GJA8: variants seen among roughly 807,000 people sequenced by gnomAD.
The protein encoded by GJA8 is gap junction protein alpha 8, also known as gap junction alpha-8 protein.
GJA8 carries 13 observed loss-of-function variants against 15.3 expected under a neutral mutation model. The ratio of observed to expected loss-of-function variants is 0.85; its 90% CI spans 0.55 to 1.35. The LOEUF (loss-of-function observed/expected upper bound fraction) is 1.35. Ranked by LOEUF, GJA8 falls within the 40% of genes most tolerant of loss-of-function variation. The pLI, the probability that GJA8 is intolerant of heterozygous loss-of-function variation, is 0.00. For synonymous variants in GJA8, 304 were observed against 238.7 expected (o/e 1.27, Z -2.52); for missense variants, 607 against 553.3 (o/e 1.10, Z -0.97).
chr1:147,913,363 G>A (rs1398973793), downstream of GJA8, among the ~76,000 whole-genome samples: 2 of 152,138 alleles, frequency 1.3e-5, no homozygotes, highest in Non-Finnish European at 2.9e-5. Flanking sequence ...TAAAGTAAGG[G>A]AAATAAATTT....
Position 147,908,355 on chromosome 1 carries a change from G to T in GJA8, c.400G>T (p.Gly134Cys), listed in dbSNP as rs782185896. Residue 134 changes from glycine (G) to cysteine (C), a missense_variant, in exon 2 of 2, where the codon GGC becomes TGC. Transcript: ENST00000369235. Reference protein sequence around the residue: ...PDQGSVKKSSGSKGTKKFRLE... With the variant: ...PDQGSVKKSSCSKGTKKFRLE... ...CCAGGGCAGCGTCAAGAAGAGCAGC[G>T]GCAGCAAAGGCACTAAGAAGTTCCG... 6.2e-7 allele frequency: 1 copy of T among 1,614,172 alleles called. No individual in the cohort carries two copies. The highest frequency in any genetic ancestry group is 1.1e-5 in the South Asian group (1 of 91,082).
At position 147,909,181 on chromosome 1, in the gene GJA8, C is replaced by T; in HGVS notation, c.1226C>T (p.Thr409Ile). 3 of 1,541,234 alleles carry T rather than the reference C, an allele frequency of 1.9e-6. No homozygotes were observed. Among genetic ancestry groups the T allele is most frequent in the Non-Finnish European group, 2.6e-6 (3 of 1,134,832 alleles). Residue 409 changes from threonine (T) to isoleucine (I), a missense_variant, in exon 2 of 2, where the codon ACA becomes ATA. By Grantham distance (89) the Thr-to-Ile change is moderately conservative. Coordinates refer to ENST00000369235, the MANE Select transcript of GJA8 (RefSeq NM_005267.5). ...EKTPSLCPEL[T>I]TDDARPLSRL... is the part of the protein sequence containing the mutation. ...ACACCTTCACTCTGTCCAGAGCTGA[C>T]AACAGATGATGCCAGACCCCTGAGC...
chr1:147,909,125 G>C lies in GJA8; in HGVS notation c.1170G>C (p.Lys390Asn). Residue 390 changes from lysine (K) to asparagine (N), a missense_variant, in exon 2 of 2, where the codon AAG becomes AAC. Coordinates refer to ENST00000369235, the MANE Select transcript of GJA8 (RefSeq NM_005267.5). Reference sequence around the variant, plus strand: ...AAAAAGAAGAGCCGCAGTCGGAGAAGGTGTCAAAGCAAGGGCTGCCAGCTG... The same window carrying C: ...AAAAAGAAGAGCCGCAGTCGGAGAACGTGTCAAAGCAAGGGCTGCCAGCTG... Reference protein sequence around the residue: ...EGEKEEPQSEKVSKQGLPAEK... With the variant: ...EGEKEEPQSENVSKQGLPAEK... The C allele has an allele frequency of 6.2e-7, 1 of 1,614,060 alleles. No individual in the cohort carries two copies. Among genetic ancestry groups the C allele is most frequent in the Non-Finnish European group, 8.5e-7 (1 of 1,179,984 alleles).
At chr1:147,905,084 C>T (rs1317405071) in intron 1 of GJA8, among the ~76,000 whole-genome samples, 1 of 152,100 alleles carries the variant, frequency 6.6e-6, no homozygotes, top group Non-Finnish European at 1.5e-5. Context: ...AATTTACTAT[C>T]CTTTTTGTTA....
At chr1:147,909,266 CAAAGA>C in exon 2 of GJA8, 1 of 729,270 alleles carries the variant, frequency 1.4e-6, no homozygotes, top group South Asian at 1.5e-5. Flanking sequence ...GAAGTGACGC[CAAAGA>C]AAAAAAAAAA....
intron 1 of GJA8, among the ~76,000 whole-genome samples, chr1:147,907,587 T>C (rs2149015037): frequency 6.6e-6 from 1 of 152,344 alleles, no homozygotes; most frequent in East Asian, 1.9e-4. Flanking sequence ...TTTAAATCCA[T>C]GTAACCAAGG....
At chr1:147,904,030 C>T (rs2149013263) in intron 1 of GJA8, among the ~76,000 whole-genome samples, 1 of 150,208 alleles carries the variant, frequency 6.7e-6, no homozygotes, top group South Asian at 2.1e-4. Context: ...CTCCTGGGCT[C>T]AAGCAATTCT....
At chr1:147,907,882 C>A in intron 1 of GJA8, 63 bp from the exon 2 acceptor site, 2 of 1,179,496 alleles carry the variant, frequency 1.7e-6, no homozygotes, top group Non-Finnish European at 2.5e-6. Flanking sequence ...TTAGCAAAAA[C>A]AGATATTGAC....
chr1:147,908,231 C>T lies in GJA8; in HGVS notation c.276C>T (p.Tyr92=), dbSNP rs1553242596. Residue 92 remains tyrosine, a synonymous_variant, in exon 2 of 2, where the codon TAC becomes TAT. Transcript: ENST00000369235. ...TCGTCTCCACCCCGTCCCTGATGTA[C>T]GTGGGGCACGCGGTGCACTACGTCC... is the stretch of plus-strand genomic sequence containing the variant. ...IIFVSTPSLM[Y]VGHAVHYVRM... The T allele has an allele frequency of 3.1e-6, 5 of 1,614,220 alleles. No homozygotes were observed. Among genetic ancestry groups the T allele is most frequent in the South Asian group, 1.1e-5 (1 of 91,084 alleles).
chr1:147,907,381 T>C (rs1553242404), intron 1 of GJA8, among the ~76,000 whole-genome samples: 3 of 152,186 alleles, frequency 2.0e-5, no homozygotes, highest in African/African-American at 4.8e-5. Context: ...TTTCACAAAG[T>C]TGGTATTCAA....
In GJA8 at chr1:147,908,282, C is replaced by T; in HGVS notation, c.327C>T (p.Arg109=). ...YVRMEEKRKS[R]EAEELGQQAG... ...GCATGGAGGAGAAGCGCAAAAGCCG[C>T]GAGGCGGAGGAGCTGGGCCAGCAGG... The change falls in exon 2 of 2, where the codon CGC becomes CGT. Residue 109 remains arginine, a synonymous_variant. Coordinates refer to ENST00000369235, the MANE Select transcript of GJA8 (RefSeq NM_005267.5). 3 of 1,614,138 alleles carry T rather than the reference C, an allele frequency of 1.9e-6. No individual in the cohort carries two copies. The highest frequency in any genetic ancestry group is 2.2e-5 in the East Asian group (1 of 44,884).
At chr1:147,906,964 C>T (rs1377763536) in intron 1 of GJA8, among the ~76,000 whole-genome samples, 1 of 152,030 alleles carries the variant, frequency 6.6e-6, no homozygotes, top group African/African-American at 2.4e-5. Flanking sequence ...GGGTTCACTG[C>T]AACCTCGACC....
intron 1 of GJA8, among the ~76,000 whole-genome samples, chr1:147,907,288 A>G (rs1319955403): frequency 6.6e-6 from 1 of 152,240 alleles, no homozygotes; most frequent in African/African-American, 2.4e-5. Flanking sequence ...ATAGCTGTAA[A>G]TAAGACAGGC....
At position 147,909,243 on chromosome 1, in the gene GJA8, G is replaced by T. The variant is rs782429592; in HGVS notation, c.1288G>T (p.Asp430Tyr). 2 of 1,321,368 alleles carry T rather than the reference G, an allele frequency of 1.5e-6. No individual in the cohort carries two copies. The highest frequency in any genetic ancestry group is 1.2e-5 in the South Asian group (1 of 85,584). 81.9% of individuals were successfully genotyped at this position (1,321,368 alleles called of 1,614,324 possible). The stretch of plus-strand genomic sequence containing the variant: ...AGCCAGCAGCCGAGCCAGGTCAGAC[G>T]ATCTAACCGTATGAAGTGACGCCAA... Reference protein sequence around the residue: ...SKASSRARSDDLTV With the variant: ...SKASSRARSDYLTV The change falls in exon 2 of 2, where the codon GAT becomes TAT. Residue 430 changes from aspartate (D) to tyrosine (Y), a missense_variant. Asp to Tyr is a radical substitution (Grantham distance 160). Coordinates refer to ENST00000369235, the MANE Select transcript of GJA8 (RefSeq NM_005267.5).
Position 147,908,777 on chromosome 1 carries a change from C to T in GJA8, c.822C>T (p.Ile274=), listed in dbSNP as rs781834904. 42 of 1,613,972 alleles carry T rather than the reference C, an allele frequency of 2.6e-5. No homozygotes were observed. Among genetic ancestry groups the T allele is most frequent in the Non-Finnish European group, 3.3e-5 (39 of 1,179,968 alleles). Residue 274 remains isoleucine, a synonymous_variant, in exon 2 of 2, where the codon ATC becomes ATT. Transcript: ENST00000369235. ...ATCAGCTCCTAGAAGAAGAGAAAAT[C>T]GTTTCCCACTATTTCCCCTTGACCG... ...KGYQLLEEEK[I]VSHYFPLTEV...
chr1:147,908,481 C>G lies in GJA8; in HGVS notation c.526C>G (p.Arg176Gly). 1 of 1,614,204 alleles carries G rather than the reference C, an allele frequency of 6.2e-7. No individual in the cohort carries two copies. The highest frequency in any genetic ancestry group is 8.5e-7 in the Non-Finnish European group (1 of 1,180,034). Residue 176 changes from arginine to glycine, a missense_variant, in exon 2 of 2, where the codon CGG becomes GGG. Physicochemically the swap from Arg to Gly is moderately radical, Grantham distance 125. Transcript: ENST00000369235. Reference sequence around the variant, plus strand: ...GGGCCACTACTTCCTGTACGGGTTCCGGATCCTGCCTCTGTACCGCTGCAG... The same window carrying G: ...GGGCCACTACTTCCTGTACGGGTTCGGGATCCTGCCTCTGTACCGCTGCAG... Reference protein sequence around the residue: ...IVGHYFLYGFRILPLYRCSRW... With the variant: ...IVGHYFLYGFGILPLYRCSRW...
rs781807293 is a variant in GJA8 at position 147,909,144 on chromosome 1, C to T, written c.1189C>T (p.Pro397Ser). The T allele has an allele frequency of 2.9e-5, 46 of 1,613,732 alleles. No homozygotes were observed. Among genetic ancestry groups the T allele is most frequent in the Non-Finnish European group, 3.6e-5 (43 of 1,179,878 alleles). The change falls in exon 2 of 2, where the codon CCA (proline) becomes TCA (serine). Residue 397 changes from proline (P) to serine (S), a missense_variant. Transcript: ENST00000369235. ...QSEKVSKQGL[P>S]AEKTPSLCPE... ...GGAGAAGGTGTCAAAGCAAGGGCTG[C>T]CAGCTGAGAAGACACCTTCACTCTG...
chr1:147,909,311 A>C, downstream of GJA8: 5 of 1,282,178 alleles, frequency 3.9e-6, no homozygotes, highest in Non-Finnish European at 5.6e-6. Flanking sequence ...GGCAAGATGA[A>C]AGGAACAGGT....
Position 147,908,280 on chromosome 1 carries a change from C to T in GJA8, c.325C>T (p.Arg109Cys), listed in dbSNP as rs781792753. 4.3e-6 allele frequency: 7 copies of T among 1,614,030 alleles called. No homozygotes were observed. In the East Asian group the frequency reaches 6.7e-5, roughly 15 times the overall value. Residue 109 changes from arginine (R) to cysteine (C), a missense_variant, in exon 2 of 2, where the codon CGC becomes TGC. Physicochemically the swap from Arg to Cys is radical, Grantham distance 180. Coordinates refer to ENST00000369235, the MANE Select transcript of GJA8 (RefSeq NM_005267.5). ...YVRMEEKRKSREAEELGQQAG... is the reference protein window; with the variant it reads ...YVRMEEKRKSCEAEELGQQAG... ...CCGCATGGAGGAGAAGCGCAAAAGC[C>T]GCGAGGCGGAGGAGCTGGGCCAGCA...
Sources: gnomAD v4.1 joint callset for allele counts (sites outside exome capture counted in the v4.1 genomes callset) on GRCh38, gnomAD v4.1.1 for gene constraint, MANE v1.5 for transcripts, NCBI Gene and HGNC (gene_info 2026-07-23, HGNC 2026-07-21) for gene names.